The following SPPL2A variants were observed in gnomAD, a reference collection of about 807,000 sequenced individuals.
The protein encoded by SPPL2A is signal peptide peptidase like 2A.
SPPL2A carries 51 observed loss-of-function variants against 63.8 expected under a neutral mutation model. The observed-to-expected ratio is 0.80, with a 90% CI of 0.64 to 1.01. The LOEUF is 1.01. Ranked by LOEUF, SPPL2A falls within the 50% of genes least tolerant of loss-of-function variation. SPPL2A has a pLI of 0.00. For missense variants in SPPL2A, 553 were observed against 622.7 expected (o/e 0.89, Z 1.19); for synonymous variants, 188 against 205.8 (o/e 0.91, Z 0.74).
In SPPL2A at chr15:50,732,592, G is replaced by T. The variant is rs780976259; in HGVS notation, c.1014+11C>A. The T allele has an allele frequency of 2.0e-6, 3 of 1,503,716 alleles. No homozygotes were observed. The East Asian group carries it at 6.8e-5, about 34-fold the overall frequency. 93.1% of individuals were successfully genotyped at this position (1,503,716 alleles called of 1,614,324 possible). On this transcript the variant is annotated intron_variant, in intron 9 of 14. Transcript: ENST00000261854. ...TTATTTTAACTAGCAAAGTAGTATT[G>T]TATACATTACCTTGAAGTTGGGCAA...
rs1047569668 is a variant in SPPL2A at position 50,726,052 on chromosome 15, T to C, written c.1146+269A>G. ...GGTATGATTTAAAGTCCAATGAACA[T>C]ATCTAAAATACAATCCTTACTTTCT... is the stretch of plus-strand genomic sequence containing the variant. On this transcript the variant is annotated intron_variant, in intron 11 of 14. Coordinates refer to ENST00000261854, the MANE Select transcript of SPPL2A (RefSeq NM_032802.4). 8 of 1,404,824 alleles carry C rather than the reference T, an allele frequency of 5.7e-6. No individual in the cohort carries two copies. The Admixed American group carries it at 1.5e-4, about 26-fold the overall frequency. The allele number at this position is 1,404,824 out of a possible 1,614,324, so 87.0% of individuals were successfully genotyped here.
chr15:50,720,673 C>G (rs887465570), intron 13 of SPPL2A, among the ~76,000 whole-genome samples: 2 of 152,048 alleles, frequency 1.3e-5, no homozygotes, highest in Non-Finnish European at 2.9e-5. Context: ...GCATGTGCCA[C>G]CACGCCTGGC....
chr15:50,723,527 G>C (rs1415978022), intron 12 of SPPL2A, among the ~76,000 whole-genome samples: 1 of 152,122 alleles, frequency 6.6e-6, no homozygotes, highest in Non-Finnish European at 1.5e-5. Context: ...CCAGGTCAGA[G>C]TGCAGTGGTG....
chr15:50,761,624 A>T (rs891494309), intron 1 of SPPL2A, among the ~76,000 whole-genome samples: 1 of 151,868 alleles, frequency 6.6e-6, no homozygotes, highest in Admixed American at 6.6e-5. Context: ...CTCAAAAAAT[A>T]ATAATAATAA....
At chr15:50,718,088 C>G (rs2062613042) in intron 14 of SPPL2A, among the ~76,000 whole-genome samples, 1 of 151,028 alleles carries the variant, frequency 6.6e-6, no homozygotes, top group African/African-American at 2.4e-5. Flanking sequence ...TCTCCTGCCT[C>G]AGCCTCCCGA....
At chr15:50,765,375 G>A (rs1223950707) in intron 1 of SPPL2A, 93 bp downstream of exon 1, 3 of 958,304 alleles carry the variant, frequency 3.1e-6, no homozygotes, top group African/African-American at 3.5e-5. Context: ...GGGCAGAGGG[G>A]AGGCCGGGCG....
intron 6 of SPPL2A, 70 bp downstream of exon 6, chr15:50,739,610 G>T (rs2062801718): frequency 2.2e-5 from 25 of 1,147,874 alleles, no homozygotes; most frequent in Non-Finnish European, 3.0e-5. Context: ...TAAAGGAAAA[G>T]ATAAATCTAG....
At chr15:50,749,533 G>A (rs561663943) in intron 2 of SPPL2A, 103 bp downstream of exon 2, 101 of 747,374 alleles carry the variant, frequency 1.4e-4, no homozygotes, top group Admixed American at 3.0e-4. Context: ...TGATCCGCCC[G>A]CCTTGGCCTC....
At chr15:50,750,274 T>C (rs921241718) in intron 1 of SPPL2A, among the ~76,000 whole-genome samples, 1 of 152,100 alleles carries the variant, frequency 6.6e-6, no homozygotes, top group Non-Finnish European at 1.5e-5. Flanking sequence ...CAGCTAATTT[T>C]TGTATTTTTG....
rs1168119746 is a variant in SPPL2A at position 50,730,874 on chromosome 15, TA to T, written c.1089+90del. On this transcript the variant is annotated intron_variant, in intron 10 of 14. Coordinates refer to ENST00000261854, the MANE Select transcript of SPPL2A (RefSeq NM_032802.4). ...AAGAGAATTAGAATTCACTCAGTGG[TA>T]AACATCTGCAAAATTAATAATCTAG... is the stretch of plus-strand genomic sequence containing the variant. 1.4e-5 allele frequency: 9 copies of T among 644,102 alleles called. No homozygotes were observed. In the East Asian group the frequency reaches 2.7e-4, roughly 19 times the overall value. The allele number at this position is 644,102 out of a possible 1,614,324, so 39.9% of individuals were successfully genotyped here. A position where few individuals can be genotyped will look rare whatever the true frequency, so the allele number is the denominator to read the frequency against.
chr15:50,752,714 T>C (rs2062920060), intron 1 of SPPL2A, among the ~76,000 whole-genome samples: 1 of 149,306 alleles, frequency 6.7e-6, no homozygotes. Flanking sequence ...CAAGACTCCA[T>C]CTGAAAAAAA....
At chr15:50,745,170 A>G (rs2062848634) in intron 5 of SPPL2A, among the ~76,000 whole-genome samples, 1 of 152,072 alleles carries the variant, frequency 6.6e-6, no homozygotes, top group Non-Finnish European at 1.5e-5. Flanking sequence ...TTCTGTTTTG[A>G]GATGGAGTTT....
chr15:50,754,295 A>C (rs944312043), intron 1 of SPPL2A, among the ~76,000 whole-genome samples: 2 of 152,178 alleles, frequency 1.3e-5, no homozygotes, highest in Non-Finnish European at 2.9e-5. Flanking sequence ...CAAAGCTCAT[A>C]GTTTACATTA....
At chr15:50,709,195 T>C (rs1485418994) in intron 14 of SPPL2A, among the ~76,000 whole-genome samples, 2 of 152,028 alleles carry the variant, frequency 1.3e-5, no homozygotes, top group Admixed American at 1.3e-4. Flanking sequence ...TTACTAAAAA[T>C]AGAAAAAAGT....
At chr15:50,711,154 T>C (rs1181739886) in intron 14 of SPPL2A, among the ~76,000 whole-genome samples, 1 of 151,966 alleles carries the variant, frequency 6.6e-6, no homozygotes, top group Non-Finnish European at 1.5e-5. Context: ...ACAGTGTAAC[T>C]AGTTTTGGGC....
chr15:50,726,728 T>G (rs2062690902), intron 10 of SPPL2A, among the ~76,000 whole-genome samples: 1 of 152,224 alleles, frequency 6.6e-6, no homozygotes, highest in Admixed American at 6.5e-5. Context: ...TTAGTTACAT[T>G]ATGCCTTATA....
At chr15:50,740,356 G>C (rs1302181235) in intron 5 of SPPL2A, among the ~76,000 whole-genome samples, 1 of 150,316 alleles carries the variant, frequency 6.7e-6, no homozygotes, top group Admixed American at 6.7e-5. Context: ...GAACCCGGGA[G>C]GCGGAGGTTG....
At chr15:50,759,325 A>T (rs1368648910) in intron 1 of SPPL2A, among the ~76,000 whole-genome samples, 1 of 152,212 alleles carries the variant, frequency 6.6e-6, no homozygotes, top group African/African-American at 2.4e-5. Context: ...TCACACCTGT[A>T]ATCCTAGCAT....
intron 1 of SPPL2A, among the ~76,000 whole-genome samples, chr15:50,755,627 CAAAAAAAAAAAAAAAAAAAAA>C (rs148415568): frequency 2.0e-5 from 1 of 49,550 alleles, no homozygotes; most frequent in Non-Finnish European, 3.4e-5. Flanking sequence ...CACCCTGTCT[CAAAAAAAAAAAAAAAAAAAAA>C]AAAAAAAAGA....
Sources: allele counts gnomAD v4.1 joint callset (sites outside exome capture counted in the v4.1 genomes callset), GRCh38; gene constraint gnomAD v4.1.1; transcripts MANE v1.5; gene names NCBI Gene and HGNC (gene_info 2026-07-23, HGNC 2026-07-21).